The following LHCGR variants were observed in gnomAD, a reference collection of about 807,000 sequenced individuals.
LHCGR encodes the protein luteinizing hormone/choriogonadotropin receptor, also known as lutropin-choriogonadotropic hormone receptor.
In LHCGR, 55 loss-of-function variants were observed where a neutral mutation model predicts 60.7. The observed-to-expected ratio is 0.91, with a 90% CI of 0.73 to 1.13. The LOEUF is 1.13. LHCGR is among the 50% of genes most tolerant of loss of function. The probability of loss-of-function intolerance (pLI) is 0.00; values close to 1 mark genes in which losing one functional copy is unlikely to be tolerated. For missense variants in LHCGR, 862 were observed against 836.0 expected, an observed-to-expected ratio of 1.03 and a Z score of -0.38; for synonymous variants, 337 against 316.5, an observed-to-expected ratio of 1.06 and a Z score of -0.69.
chr2:48,744,661 G>T (rs2103705461), intron 1 of LHCGR, among the ~76,000 whole-genome samples: 1 of 103,516 alleles, frequency 9.7e-6, no homozygotes, highest in East Asian at 2.8e-4. Context: ...GCTGAAACTG[G>T]ATCCCTTCCT....
chr2:48,742,605 C>T (rs1407393165), intron 1 of LHCGR, among the ~76,000 whole-genome samples: 10 of 151,310 alleles, frequency 6.6e-5, no homozygotes, highest in African/African-American at 1.9e-4. Context: ...GGGTACATAA[C>T]AAAATGAAGG....
intron 8 of LHCGR, among the ~76,000 whole-genome samples, chr2:48,707,045 A>G (rs1305301069): frequency 1.3e-5 from 2 of 152,078 alleles, no homozygotes; most frequent in Non-Finnish European, 2.9e-5. Flanking sequence ...ACCTTTGGTC[A>G]TTGGTGTTGG....
intron 1 of LHCGR, among the ~76,000 whole-genome samples, chr2:48,738,228 T>A (rs574645883): frequency 3.7e-4 from 56 of 151,622 alleles, no homozygotes; most frequent in Non-Finnish European, 7.4e-4. Flanking sequence ...TACTACACTA[T>A]TTTTTTTCCC....
At chr2:48,744,826 A>G (rs1572892322) in intron 1 of LHCGR, among the ~76,000 whole-genome samples, 1 of 151,860 alleles carries the variant, frequency 6.6e-6, no homozygotes, top group Non-Finnish European at 1.5e-5. Flanking sequence ...AATGGCAACA[A>G]AAGCCAAAAT....
intron 1 of LHCGR, among the ~76,000 whole-genome samples, chr2:48,742,791 G>A (rs1669522653): frequency 6.6e-6 from 1 of 151,940 alleles, no homozygotes; most frequent in South Asian, 2.1e-4. Flanking sequence ...AACTAGAAAA[G>A]CAAGAGCAAA....
chr2:48,701,880 C>G (rs1572831616), intron 8 of LHCGR, among the ~76,000 whole-genome samples: 2 of 152,154 alleles, frequency 1.3e-5, no homozygotes, highest in Admixed American at 1.3e-4. Context: ...TAGAACTTTT[C>G]TCATTGTAAA....
intron 6 of LHCGR, among the ~76,000 whole-genome samples, chr2:48,722,156 T>TA (rs1013959629): frequency 6.6e-4 from 101 of 152,048 alleles, no homozygotes; most frequent in African/African-American, 2.4e-3. Flanking sequence ...TGCAATAAAA[T>TA]AAAATATGCT....
intron 8 of LHCGR, 54 bp from the exon 9 acceptor site, chr2:48,698,854 T>G (rs1004845716): frequency 2.0e-6 from 3 of 1,474,836 alleles, no homozygotes; most frequent in Admixed American, 1.9e-5. Flanking sequence ...TACATTTTTT[T>G]TTTTTGAGAC....
rs529179553 is a variant in LHCGR, at chr2:48,730,183, T to C, written c.234-956A>G. Among the ~76,000 whole-genome samples, 6 of 152,334 alleles carry C rather than the reference T, an allele frequency of 3.9e-5. No homozygotes were observed. The South Asian group carries it at 8.3e-4, about 21-fold the overall frequency. The stretch of plus-strand genomic sequence containing the variant: ...AAGGCAGAGCCTAAGGTAGCTAATG[T>C]CTTTTCTTAACAACACAGGAATGGA... On this transcript the variant is annotated intron_variant, in intron 2 of 10. Coordinates refer to ENST00000294954, the MANE Select transcript of LHCGR (RefSeq NM_000233.4).
At chr2:48,718,594 T>C (rs1271326056) in intron 6 of LHCGR, among the ~76,000 whole-genome samples, 1 of 150,894 alleles carries the variant, frequency 6.6e-6, no homozygotes, top group Non-Finnish European at 1.5e-5. Context: ...GAAAATATGG[T>C]GGTATATTTG....
At chr2:48,717,420 C>A (rs976375349) in intron 6 of LHCGR, among the ~76,000 whole-genome samples, 3 of 152,156 alleles carry the variant, frequency 2.0e-5, no homozygotes, top group Non-Finnish European at 4.4e-5. Context: ...CATTAGTTTC[C>A]TAATCTGAAA....
intron 6 of LHCGR, chr2:48,721,875 G>A (rs1009323361): frequency 4.7e-5 from 21 of 443,652 alleles, no homozygotes; most frequent in African/African-American, 8.2e-5. Context: ...ATGAGGCCGG[G>A]GGGTGGTGAC....
chr2:48,749,625 A>G (rs777502846), intron 1 of LHCGR, among the ~76,000 whole-genome samples: 1 of 152,106 alleles, frequency 6.6e-6, no homozygotes, highest in Admixed American at 6.5e-5. Context: ...TCAAGACATG[A>G]AAAGAAGCCA....
Position 48,688,163 on chromosome 2 carries a change from C to T in LHCGR, c.1634G>A (p.Cys545Tyr), listed in dbSNP as rs1197140567. 1.2e-6 allele frequency: 2 copies of T among 1,613,940 alleles called. No individual in the cohort carries two copies. The highest frequency in any genetic ancestry group is 1.7e-5 in the Admixed American group (1 of 59,998). Residue 545 changes from cysteine (C) to tyrosine (Y), a missense_variant, in exon 11 of 11, where the codon TGC becomes TAC. Physicochemically the swap from Cys to Tyr is radical, Grantham distance 194 (BLOSUM62 -2). Transcript: ENST00000294954. This position sits in a 1 kb window ranked among gnomAD's most constrained non-coding sequence, Gnocchi z 5.2. ...AACTGCAAAATAAATTTTAATGTAG[C>T]AAGCACAAATTATGAAGAAGGCCAC... ...NVVAFFIICACYIKIYFAVRN... is the reference protein window; with the variant it reads ...NVVAFFIICAYYIKIYFAVRN...
chr2:48,722,279 T>C (rs1227389533), intron 6 of LHCGR, among the ~76,000 whole-genome samples: 1 of 152,108 alleles, frequency 6.6e-6, no homozygotes, highest in Non-Finnish European at 1.5e-5. Context: ...AGAACATGGG[T>C]TGAGTTATCT....
intron 1 of LHCGR, among the ~76,000 whole-genome samples, chr2:48,735,085 C>T (rs1192762709): frequency 6.6e-6 from 1 of 152,216 alleles, no homozygotes; most frequent in Non-Finnish European, 1.5e-5. Context: ...GCCCAAGTGC[C>T]TTTGCCACAG....
chr2:48,747,645 GT>G (rs1669770750), intron 1 of LHCGR, among the ~76,000 whole-genome samples: 1 of 152,166 alleles, frequency 6.6e-6, no homozygotes, highest in African/African-American at 2.4e-5. Flanking sequence ...GAGAGGAGTC[GT>G]TTTTGGAACC....
intron 8 of LHCGR, among the ~76,000 whole-genome samples, chr2:48,704,375 G>A (rs1667559461): frequency 6.6e-6 from 1 of 152,080 alleles, no homozygotes; most frequent in African/African-American, 2.4e-5. Flanking sequence ...ACTCTGCCAG[G>A]TTTAGTATCA....
At chr2:48,702,610 GC>G (rs1667467301) in intron 8 of LHCGR, among the ~76,000 whole-genome samples, 1 of 152,114 alleles carries the variant, frequency 6.6e-6, no homozygotes. Context: ...TTTTATGGCT[GC>G]ATAGTATTTC....
Sources: gnomAD v4.1 joint callset for allele counts (sites outside exome capture counted in the v4.1 genomes callset) on GRCh38, gnomAD v4.1.1 for gene constraint, Gnocchi (gnomAD v3.1) non-coding constraint, MANE v1.5 for transcripts, NCBI Gene and HGNC (gene_info 2026-07-23, HGNC 2026-07-21) for gene names.